Variants in MKLN1 observed in about 807,000 individuals in gnomAD.
MKLN1 encodes the protein muskelin 1.
A neutral mutation model predicts 99.0 loss-of-function variants in MKLN1; 18 were observed. The ratio of observed to expected loss-of-function variants is 0.18; its 90% confidence interval spans 0.13 to 0.27. The LOEUF (loss-of-function observed/expected upper bound fraction) is 0.27, where lower values mean the gene tolerates loss of function less well. Ranked by LOEUF, MKLN1 falls within the 10% of genes least tolerant of loss-of-function variation. The pLI is 1.00. For missense variants in MKLN1, 621 were observed against 875.9 expected, an observed-to-expected ratio of 0.71 and a Z score of 3.67; for synonymous variants, 288 against 293.2, an observed-to-expected ratio of 0.98 and a Z score of 0.18.
At chr7:131,234,082 C>T (rs1442661481) in intron 3 of MKLN1, among the ~76,000 whole-genome samples, 2 of 152,208 alleles carry the variant, frequency 1.3e-5, no homozygotes. Context: ...CGGGTTCAAG[C>T]GATTCTCCTG....
chr7:131,432,794 T>C (rs904864014), intron 9 of MKLN1, among the ~76,000 whole-genome samples: 1 of 152,192 alleles, frequency 6.6e-6, no homozygotes, highest in Non-Finnish European at 1.5e-5. Flanking sequence ...AATGTTTGGC[T>C]CAATAAAAGA....
At chr7:131,451,601 G>A (rs1462270371) in intron 12 of MKLN1, among the ~76,000 whole-genome samples, 2 of 152,164 alleles carry the variant, frequency 1.3e-5, no homozygotes, top group African/African-American at 4.8e-5. Context: ...AAACTACAGT[G>A]TAACAATTTT....
chr7:131,303,430 C>T (rs1446082955), intron 3 of MKLN1, among the ~76,000 whole-genome samples: 2 of 152,204 alleles, frequency 1.3e-5, no homozygotes, highest in Admixed American at 1.3e-4. Context: ...AAAGGGATAT[C>T]CCCTTACTCA....
intron 2 of MKLN1, among the ~76,000 whole-genome samples, chr7:131,202,651 C>A (rs979660336): frequency 1.3e-5 from 2 of 152,166 alleles, no homozygotes; most frequent in South Asian, 4.1e-4. Context: ...CCAGTAGTAC[C>A]TCCACTTCCA....
At chr7:131,403,643 A>G (rs1794617827) in intron 6 of MKLN1, among the ~76,000 whole-genome samples, 1 of 152,186 alleles carries the variant, frequency 6.6e-6, no homozygotes, top group Non-Finnish European at 1.5e-5. Context: ...GGCCGTGGTA[A>G]AGATATTAAA....
chr7:131,358,458 C>T (rs1799941779), intron 1 of MKLN1, among the ~76,000 whole-genome samples: 1 of 152,054 alleles, frequency 6.6e-6, no homozygotes, highest in South Asian at 2.1e-4. Context: ...ATTATTTTTG[C>T]ATCCATATTC....
intron 1 of MKLN1, among the ~76,000 whole-genome samples, chr7:131,121,979 A>G (rs1795379590): frequency 6.6e-6 from 1 of 152,266 alleles, no homozygotes; most frequent in Non-Finnish European, 1.5e-5. Flanking sequence ...CAAGGAAACC[A>G]AGAGAAGAAT....
chr7:131,155,051 T>C (rs1458373303), intron 2 of MKLN1, among the ~76,000 whole-genome samples: 2 of 152,204 alleles, frequency 1.3e-5, no homozygotes, highest in Non-Finnish European at 2.9e-5. Context: ...TTTTTTGTTT[T>C]TCCCTTTTTG....
At chr7:131,468,368 A>G (rs1314931033) in intron 15 of MKLN1, among the ~76,000 whole-genome samples, 1 of 152,254 alleles carries the variant, frequency 6.6e-6, no homozygotes, top group African/African-American at 2.4e-5. Context: ...TGAATTGGGT[A>G]GAACACAGAA....
intron 1 of MKLN1, among the ~76,000 whole-genome samples, chr7:131,125,930 C>G (rs550368739): frequency 6.6e-6 from 1 of 150,642 alleles, no homozygotes; most frequent in Non-Finnish European, 1.5e-5. Context: ...GGCGTGAACC[C>G]AGGAGGCAGA....
At chr7:131,162,359 A>G (rs1796067953) in intron 2 of MKLN1, among the ~76,000 whole-genome samples, 3 of 152,158 alleles carry the variant, frequency 2.0e-5, no homozygotes, top group African/African-American at 7.2e-5. Flanking sequence ...ATGGTGTGTT[A>G]TATTTTTTAC....
chr7:131,487,148 G>GA lies in MKLN1; in HGVS notation c.2087-458dup, dbSNP rs540804013. Among the ~76,000 whole-genome samples, 2 of 151,932 alleles carry GA rather than the reference G, an allele frequency of 1.3e-5. No homozygotes were observed. The highest frequency in any genetic ancestry group is 2.9e-5 in the Non-Finnish European group (2 of 67,938). On this transcript the variant is annotated intron_variant, in intron 17 of 17. Transcript: ENST00000352689. The surrounding 1 kb of genome is among the most constrained non-coding windows in gnomAD (Gnocchi z 4.7). ...AATTTCTAAAGACCTCTTTCATTTT[G>GA]ATTTTATTATATTTTTGTTACTAAA... is the stretch of plus-strand genomic sequence containing the variant.
At position 131,154,047 on chromosome 7, in the gene MKLN1, G is replaced by C. The variant is rs73149819; in HGVS notation, c.-297+11106G>C. Among the ~76,000 whole-genome samples, 594 of 152,146 alleles carry C rather than the reference G, an allele frequency of 3.9e-3. 6 individuals carry two copies. The highest frequency in any genetic ancestry group is 0.014 in the African/African-American group (561 of 41,504). On this transcript the variant is annotated intron_variant, in intron 2 of 7. Coordinates refer to the MKLN1 transcript ENST00000416992. ...AATGGGGGGAGGAATGTGAGTCTAC[G>C]ATGCTACCATACAGGTCAGAAGGGA...
chr7:131,326,550 G>A (rs922226154), upstream of MKLN1, among the ~76,000 whole-genome samples: 1 of 152,078 alleles, frequency 6.6e-6, no homozygotes. Context: ...TCACCATGTT[G>A]GCCACGCTGG....
intron 1 of MKLN1, 42 bp from the exon 2 acceptor site, chr7:131,375,382 T>A (rs779920727): frequency 1.0e-4 from 128 of 1,271,230 alleles, no homozygotes; most frequent in Non-Finnish European, 1.4e-4. Context: ...TGTTTTTGCC[T>A]ATTCATGTTC....
chr7:131,215,996 A>C (rs1490169677), intron 3 of MKLN1, among the ~76,000 whole-genome samples: 2 of 152,074 alleles, frequency 1.3e-5, no homozygotes, highest in Admixed American at 1.3e-4. Flanking sequence ...GTTCCCTTTA[A>C]GGAGTCTAGA....
intron 6 of MKLN1, among the ~76,000 whole-genome samples, chr7:131,402,733 G>A (rs2116271809): frequency 6.6e-6 from 1 of 152,320 alleles, no homozygotes; most frequent in African/African-American, 2.4e-5. Flanking sequence ...GCTCTTGGGT[G>A]ACAGGTGCAT....
At chr7:131,218,609 C>T (rs10240502) in intron 3 of MKLN1, among the ~76,000 whole-genome samples, 74,274 of 151,902 alleles carry the variant, frequency 0.49, 18,780 homozygotes, top group Admixed American at 0.57. Flanking sequence ...ATAGGTGGTT[C>T]CCAGTGGATA....
chr7:131,335,578 G>T (rs1799226926), intron 1 of MKLN1, among the ~76,000 whole-genome samples: 1 of 151,978 alleles, frequency 6.6e-6, no homozygotes, highest in South Asian at 2.1e-4. Flanking sequence ...AAGACTATAG[G>T]GTTTCCTCTC....
Sources: gnomAD v4.1 joint callset for allele counts (sites outside exome capture counted in the v4.1 genomes callset) on GRCh38, gnomAD v4.1.1 for gene constraint, Gnocchi (gnomAD v3.1) non-coding constraint, MANE v1.5 for transcripts, NCBI Gene and HGNC (gene_info 2026-07-23, HGNC 2026-07-21) for gene names.